The following COMMD1 variants were observed in gnomAD, a reference collection of about 807,000 sequenced individuals.
The protein encoded by COMMD1 is copper metabolism domain containing 1, also known as COMM domain-containing protein 1.
In COMMD1, 10 loss-of-function variants were observed where a neutral mutation model predicts 17.2. The ratio of observed to expected loss-of-function variants is 0.58; its 90% confidence interval spans 0.36 to 0.99. COMMD1 has a LOEUF of 0.99. Among genes scored for constraint, COMMD1 ranks in the 50% least tolerant of loss-of-function variants. The pLI is 0.01. For synonymous variants in COMMD1, 97 were observed against 91.6 expected, an observed-to-expected ratio of 1.06 and a Z score of -0.34; for missense variants, 270 against 231.8, an observed-to-expected ratio of 1.17 and a Z score of -1.07.
At chr2:62,020,225 C>T (rs1669575402) in intron 2 of COMMD1, among the ~76,000 whole-genome samples, 1 of 152,208 alleles carries the variant, frequency 6.6e-6, no homozygotes, top group South Asian at 2.1e-4. Flanking sequence ...CTAGTGTAGA[C>T]ATTCTTGTTC....
At chr2:61,985,092 C>T (rs753680861) in intron 1 of COMMD1, among the ~76,000 whole-genome samples, 3 of 150,728 alleles carry the variant, frequency 2.0e-5, no homozygotes, top group Non-Finnish European at 4.4e-5. Context: ...GCTCTGTCGC[C>T]CAGGCTGGAG....
intron 2 of COMMD1, among the ~76,000 whole-genome samples, chr2:62,014,079 A>G (rs1669364323): frequency 6.6e-6 from 1 of 152,144 alleles, no homozygotes. Context: ...TTTAAAGAGG[A>G]GGAGAGAAAA....
chr2:62,027,654 ATGTTG>A (rs879706223), intron 2 of COMMD1, among the ~76,000 whole-genome samples: 5,596 of 45,702 alleles, frequency 0.12, 252 homozygotes, highest in African/African-American at 0.26. Context: ...ATGTTATGTT[ATGTTG>A]TGTTATGTTA....
chr2:61,939,427 CTG>C (rs1670683174), intron 1 of COMMD1, among the ~76,000 whole-genome samples: 1 of 151,350 alleles, frequency 6.6e-6, no homozygotes, highest in Non-Finnish European at 1.5e-5. Flanking sequence ...GATTGCGCCA[CTG>C]CACTCCAGCC....
intron 2 of COMMD1, among the ~76,000 whole-genome samples, chr2:62,035,838 C>T (rs1670023157): frequency 6.6e-6 from 1 of 151,080 alleles, no homozygotes; most frequent in African/African-American, 2.4e-5. Context: ...ACCACCTGAG[C>T]CTCAGGGGTT....
chr2:61,951,359 C>T (rs2103667709), intron 1 of COMMD1, among the ~76,000 whole-genome samples: 1 of 151,760 alleles, frequency 6.6e-6, no homozygotes, highest in East Asian at 1.9e-4. Flanking sequence ...ACTTGGGAGG[C>T]TGAGGTACGA....
intron 2 of COMMD1, among the ~76,000 whole-genome samples, chr2:62,078,101 C>T (rs985079673): frequency 2.0e-5 from 3 of 151,942 alleles, no homozygotes; most frequent in Non-Finnish European, 4.4e-5. Flanking sequence ...CGGTGAAACC[C>T]TGTCTGTACT....
chr2:62,009,480 C>T (rs921251131), intron 2 of COMMD1, among the ~76,000 whole-genome samples: 1 of 151,810 alleles, frequency 6.6e-6, no homozygotes, highest in Non-Finnish European at 1.5e-5. Context: ...TGGCACATGC[C>T]TGTAGTCCCA....
At chr2:62,132,084 TC>T (rs1673054171) in intron 2 of COMMD1, among the ~76,000 whole-genome samples, 1 of 151,680 alleles carries the variant, frequency 6.6e-6, no homozygotes, top group South Asian at 2.1e-4. Context: ...AGATGGGGTT[TC>T]ACCATGTTGG....
At chr2:62,002,596 G>A (rs1349698636) in intron 2 of COMMD1, among the ~76,000 whole-genome samples, 1 of 151,120 alleles carries the variant, frequency 6.6e-6, no homozygotes, top group African/African-American at 2.4e-5. Context: ...GGAAGGCCAA[G>A]GCAGGTGGAT....
chr2:62,067,211 G>T (rs1194966154), intron 2 of COMMD1, among the ~76,000 whole-genome samples: 1 of 149,966 alleles, frequency 6.7e-6, no homozygotes, highest in Non-Finnish European at 1.5e-5. Context: ...GGTGGCAAGA[G>T]CGAAACTCCA....
At chr2:61,915,059 C>T (rs913261021) in intron 1 of COMMD1, among the ~76,000 whole-genome samples, 1 of 148,874 alleles carries the variant, frequency 6.7e-6, no homozygotes, top group Non-Finnish European at 1.5e-5. Context: ...TGCTGGAGTG[C>T]AATGGCATGA....
rs538210616 is a variant in COMMD1 at position 61,985,074 on chromosome 2, G to A, written c.181-15627G>A. Among the ~76,000 whole-genome samples, 44 of 146,470 alleles carry A rather than the reference G, an allele frequency of 3.0e-4. No individual in the cohort carries two copies. The South Asian group carries it at 7.9e-3, about 26-fold the overall frequency. On this transcript the variant is annotated intron_variant, in intron 1 of 2. Coordinates refer to ENST00000311832, the MANE Select transcript of COMMD1 (RefSeq NM_152516.4). Reference sequence around the variant, plus strand: ...TTTTTTTTTTAATTTTTTTTGAGACGGAGTCTCGCTCTGTCGCCCAGGCTG... The same window carrying A: ...TTTTTTTTTTAATTTTTTTTGAGACAGAGTCTCGCTCTGTCGCCCAGGCTG...
chr2:62,127,560 A>G (rs538191100), intron 2 of COMMD1, among the ~76,000 whole-genome samples: 4 of 152,346 alleles, frequency 2.6e-5, no homozygotes, highest in Admixed American at 2.6e-4. Flanking sequence ...TAGAGAACCC[A>G]GAAATAAGAC....
intron 2 of COMMD1, among the ~76,000 whole-genome samples, chr2:62,018,573 T>C (rs1242451436): frequency 6.6e-6 from 1 of 152,224 alleles, no homozygotes; most frequent in Non-Finnish European, 1.5e-5. Context: ...TTTTCCGGCT[T>C]TATTGGGATA....
chr2:61,988,642 A>T (rs538138064), intron 1 of COMMD1, among the ~76,000 whole-genome samples: 1 of 152,242 alleles, frequency 6.6e-6, no homozygotes, highest in African/African-American at 2.4e-5. Flanking sequence ...GGGGTGATGC[A>T]GGCACTCCCT....
intron 1 of COMMD1, chr2:61,969,106 A>G: frequency 2.6e-6 from 1 of 378,754 alleles, no homozygotes; most frequent in South Asian, 1.9e-5. Flanking sequence ...CTACAGGTGC[A>G]CACCACCACA....
chr2:62,010,038 A>G (rs893206466), intron 2 of COMMD1, among the ~76,000 whole-genome samples: 7 of 152,176 alleles, frequency 4.6e-5, no homozygotes, highest in African/African-American at 1.7e-4. Flanking sequence ...TAAGGATTAT[A>G]ATAAGTGATA....
chr2:62,106,222 A>G (rs1233079455), intron 2 of COMMD1, among the ~76,000 whole-genome samples: 1 of 152,188 alleles, frequency 6.6e-6, no homozygotes, highest in African/African-American at 2.4e-5. Context: ...CTTTGCTTGG[A>G]CCAAGGGGCA....
Sources: gnomAD v4.1 joint callset for allele counts (sites outside exome capture counted in the v4.1 genomes callset) on GRCh38, gnomAD v4.1.1 for gene constraint, MANE v1.5 for transcripts, NCBI Gene and HGNC (gene_info 2026-07-23, HGNC 2026-07-21) for gene names.